The following NRG3 variants were observed in gnomAD, a reference collection of about 807,000 sequenced individuals.
NRG3 encodes the protein pro-neuregulin-3, membrane-bound isoform.
Under a neutral mutation model 66.9 loss-of-function variants are expected in NRG3, and 31 were observed. That is an observed-to-expected ratio of 0.46 (90% confidence interval 0.35 to 0.63). NRG3 has a LOEUF of 0.63. NRG3 is among the 20% of genes least tolerant of loss of function. The pLI is 0.00. For synonymous variants in NRG3, 393 were observed against 359.4 expected (o/e 1.09, Z -1.06); for missense variants, 910 against 878.9 (o/e 1.04, Z -0.45).
intron 1 of NRG3, among the ~76,000 whole-genome samples, chr10:82,062,560 C>T (rs1011824499): frequency 1.3e-5 from 2 of 150,880 alleles, no homozygotes; most frequent in African/African-American, 4.9e-5. Flanking sequence ...GAGCCAAGGT[C>T]ACGCTACTGC....
intron 2 of NRG3, among the ~76,000 whole-genome samples, chr10:82,521,516 A>G (rs1846177418): frequency 1.3e-5 from 2 of 151,718 alleles, no homozygotes; most frequent in Non-Finnish European, 2.9e-5. Flanking sequence ...ATTTTTTTGT[A>G]TTTTTAGTAG....
chr10:82,687,550 G>A (rs2054606267), intron 2 of NRG3, among the ~76,000 whole-genome samples: 1 of 152,052 alleles, frequency 6.6e-6, no homozygotes, highest in African/African-American at 2.4e-5. Flanking sequence ...TGTCAGGAGA[G>A]AAATTGGACT....
intron 2 of NRG3, among the ~76,000 whole-genome samples, chr10:82,592,855 A>C (rs2047060743): frequency 6.6e-6 from 1 of 152,232 alleles, no homozygotes; most frequent in African/African-American, 2.4e-5. Flanking sequence ...GTTTAAACCC[A>C]TAAAAGTGTT....
At chr10:82,644,326 T>G (rs2050789712) in intron 2 of NRG3, among the ~76,000 whole-genome samples, 1 of 152,126 alleles carries the variant, frequency 6.6e-6, no homozygotes, top group Non-Finnish European at 1.5e-5. Context: ...TTCTAAAGTG[T>G]TTGCTTCCTA....
intron 1 of NRG3, among the ~76,000 whole-genome samples, chr10:82,088,026 C>T (rs1268848005): frequency 6.6e-6 from 1 of 152,082 alleles, no homozygotes; most frequent in Non-Finnish European, 1.5e-5. Context: ...CTTGCTCTTC[C>T]CCAATGCCTG....
chr10:82,015,501 A>C (rs1184218603), intron 1 of NRG3, among the ~76,000 whole-genome samples: 1 of 152,076 alleles, frequency 6.6e-6, no homozygotes, highest in Admixed American at 6.6e-5. Context: ...GAAGGGAGAG[A>C]TCAAGTGGAG....
chr10:82,255,266 A>G (rs1473267114), intron 1 of NRG3, among the ~76,000 whole-genome samples: 3 of 152,190 alleles, frequency 2.0e-5, no homozygotes, highest in Non-Finnish European at 4.4e-5. Context: ...AGGTCATCAC[A>G]GACAAGCAAA....
chr10:82,813,654 T>C (rs967956079), intron 3 of NRG3, among the ~76,000 whole-genome samples: 2 of 152,212 alleles, frequency 1.3e-5, no homozygotes, highest in African/African-American at 2.4e-5. Flanking sequence ...TTATCAACAA[T>C]ATGCTCAGAA....
intron 1 of NRG3, among the ~76,000 whole-genome samples, chr10:82,284,340 T>C (rs2079291376): frequency 6.6e-6 from 1 of 152,220 alleles, no homozygotes; most frequent in South Asian, 2.1e-4. Flanking sequence ...GTCATAGATT[T>C]AAATTCATAG....
intron 2 of NRG3, among the ~76,000 whole-genome samples, chr10:82,714,045 G>T (rs2056831723): frequency 6.6e-6 from 1 of 152,166 alleles, no homozygotes; most frequent in South Asian, 2.1e-4. Flanking sequence ...TCATTCCATA[G>T]TAATATGTAT....
intron 2 of NRG3, among the ~76,000 whole-genome samples, chr10:82,471,244 A>G (rs1841225291): frequency 2.0e-5 from 3 of 152,072 alleles, no homozygotes. Context: ...ATTGAAACCC[A>G]TTTGACCACC....
chr10:82,206,542 T>C (rs2075124351), intron 1 of NRG3, among the ~76,000 whole-genome samples: 1 of 152,134 alleles, frequency 6.6e-6, no homozygotes, highest in Non-Finnish European at 1.5e-5. Context: ...AGATTTCTCT[T>C]GTGTCTTCTA....
intron 2 of NRG3, among the ~76,000 whole-genome samples, chr10:82,665,763 A>G (rs2052722780): frequency 6.6e-6 from 1 of 152,042 alleles, no homozygotes; most frequent in East Asian, 1.9e-4. Flanking sequence ...TTTCACATGA[A>G]ATCTCAACAA....
intron 2 of NRG3, among the ~76,000 whole-genome samples, chr10:82,525,226 G>T (rs1386293238): frequency 6.6e-6 from 1 of 151,800 alleles, no homozygotes; most frequent in Admixed American, 6.6e-5. Flanking sequence ...AAAGTAAGTA[G>T]AGCATAGAAG....
chr10:82,274,743 G>A (rs1017812107), intron 1 of NRG3, among the ~76,000 whole-genome samples: 2 of 151,988 alleles, frequency 1.3e-5, no homozygotes, highest in African/African-American at 4.8e-5. Flanking sequence ...TATTTCTCAA[G>A]TGGATTCATT....
intron 2 of NRG3, among the ~76,000 whole-genome samples, chr10:82,491,618 C>T (rs1373197676): frequency 6.6e-6 from 1 of 152,004 alleles, no homozygotes; most frequent in African/African-American, 2.4e-5. Flanking sequence ...CCCTCATAAT[C>T]TCTGCTATTT....
chr10:82,615,209 A>G (rs1226460455), intron 2 of NRG3, among the ~76,000 whole-genome samples: 1 of 152,262 alleles, frequency 6.6e-6, no homozygotes, highest in East Asian at 1.9e-4. Flanking sequence ...GTCAGTCTAG[A>G]CTAGACATAG....
At chr10:82,279,642 T>C (rs902943358) in intron 1 of NRG3, among the ~76,000 whole-genome samples, 1 of 152,334 alleles carries the variant, frequency 6.6e-6, no homozygotes, top group African/African-American at 2.4e-5. Flanking sequence ...ATCACATTTT[T>C]CTGACAACGA....
chr10:82,887,249 A>G (rs957849052), intron 4 of NRG3, among the ~76,000 whole-genome samples: 1 of 152,188 alleles, frequency 6.6e-6, no homozygotes, highest in Non-Finnish European at 1.5e-5. Flanking sequence ...TTGGATTTTC[A>G]TAAGTCACTT....
Sources: allele counts gnomAD v4.1 joint callset (sites outside exome capture counted in the v4.1 genomes callset), GRCh38; gene constraint gnomAD v4.1.1; transcripts MANE v1.5; gene names NCBI Gene and HGNC (gene_info 2026-07-23, HGNC 2026-07-21).